The following POLA1 variants were observed in gnomAD, a reference collection of about 807,000 sequenced individuals.
POLA1 encodes the protein DNA polymerase alpha 1, catalytic subunit, also known as DNA polymerase alpha catalytic subunit.
In POLA1, 15 loss-of-function variants were observed where a neutral mutation model predicts 124.0. That is an observed-to-expected ratio of 0.12 (90% confidence interval 0.08 to 0.19). The LOEUF (loss-of-function observed/expected upper bound fraction) is 0.19, where lower values mean the gene tolerates loss of function less well. Among genes scored for constraint, POLA1 ranks in the 10% least tolerant of loss-of-function variants. The pLI, the probability that POLA1 is intolerant of heterozygous loss-of-function variation, is 1.00. For synonymous variants in POLA1, 408 were observed against 389.4 expected (o/e 1.05, Z -0.56); for missense variants, 886 against 1,103.4 (o/e 0.80, Z 2.79).
chrX:24,850,110 A>G (rs1219334139), intron 34 of POLA1, among the ~76,000 whole-genome samples: 6 of 111,518 alleles, frequency 5.4e-5, no homozygotes, highest in African/African-American at 1.3e-4. Context: ...CCATTCATGG[A>G]GGGTTGGTAT....
At chrX:24,862,397 A>G (rs767584782) in intron 34 of POLA1, among the ~76,000 whole-genome samples, 1 of 111,953 alleles carries the variant, frequency 8.9e-6, no homozygotes. Context: ...ACCTATCCAA[A>G]AAAAGTTGCC....
At chrX:24,755,424 T>C (rs779668588) in intron 26 of POLA1, among the ~76,000 whole-genome samples, 1 of 112,101 alleles carries the variant, frequency 8.9e-6, no homozygotes, top group East Asian at 2.8e-4. Flanking sequence ...GGGTATCTCA[T>C]TGTGATTTTA....
chrX:24,965,472 C>G (rs1486152090), intron 36 of POLA1, among the ~76,000 whole-genome samples: 1 of 111,816 alleles, frequency 8.9e-6, no homozygotes, highest in Non-Finnish European at 1.9e-5. Context: ...TATGTGAGTT[C>G]CTTGGAGCCA....
At chrX:24,733,281 G>A (rs1447005022) in intron 16 of POLA1, among the ~76,000 whole-genome samples, 1 of 112,177 alleles carries the variant, frequency 8.9e-6, no homozygotes, top group Non-Finnish European at 1.9e-5. Flanking sequence ...GTAGAAGAGA[G>A]CAATCATGAG....
rs140499220 is a variant in POLA1 at position 24,882,748 on chromosome X, G to T, written c.4048-5258G>T. ...GTGTGTATCACATTTTCTTTATCCAGTCCATTGTTGATGGGCACCTAGGTT... is the reference window on the plus strand; with the variant it reads ...GTGTGTATCACATTTTCTTTATCCATTCCATTGTTGATGGGCACCTAGGTT... On this transcript the variant is annotated intron_variant, in intron 34 of 36. Coordinates refer to ENST00000379068, the MANE Select transcript of POLA1 (RefSeq NM_001330360.2). Among the ~76,000 whole-genome samples, 28 of 102,537 alleles carry T rather than the reference G, an allele frequency of 2.7e-4. No individual in the cohort carries two copies. The East Asian group carries it at 7.4e-3, about 27-fold the overall frequency. The allele number at this position is 102,537 out of a possible 115,157, so 89.0% of individuals were successfully genotyped here. A position where few individuals can be genotyped will look rare whatever the true frequency, so the allele number is the denominator to read the frequency against.
intron 35 of POLA1, among the ~76,000 whole-genome samples, chrX:24,897,796 A>G (rs1194869992): frequency 8.9e-6 from 1 of 112,262 alleles, no homozygotes; most frequent in Non-Finnish European, 1.9e-5. Context: ...GGGAACTAGC[A>G]AAACCATGAG....
In POLA1 at chrX:24,743,219, T is replaced by G; in HGVS notation, c.2467-11T>G. ...GCTGGCTGGTGAAGTTATCTTTCCATTTGATATTAGGGAGATGAAGATGAA... is the reference window on the plus strand; with the variant it reads ...GCTGGCTGGTGAAGTTATCTTTCCAGTTGATATTAGGGAGATGAAGATGAA... On this transcript the variant is annotated splice_polypyrimidine_tract_variant and intron_variant, in intron 22 of 36. Transcript: ENST00000379068. 1 of 889,506 alleles carries G rather than the reference T, an allele frequency of 1.1e-6. No homozygotes were observed. Among genetic ancestry groups the G allele is most frequent in the Non-Finnish European group, 1.6e-6 (1 of 622,829 alleles). 73.3% of individuals were successfully genotyped at this position (889,506 alleles called of 1,213,427 possible).
chrX:24,815,239 A>C, intron 30 of POLA1, 128 bp downstream of exon 30: 1 of 592,399 alleles, frequency 1.7e-6, no homozygotes, highest in Non-Finnish European at 2.6e-6. Context: ...CTGCTTAACA[A>C]CTATCTCACA....
intron 24 of POLA1, 24 bp from the exon 25 acceptor site, chrX:24,748,286 GT>G: frequency 8.8e-7 from 1 of 1,132,129 alleles, no homozygotes; most frequent in Non-Finnish European, 1.2e-6. Context: ...TTTGATTTGT[GT>G]GAAATTTGTT....
intron 26 of POLA1, among the ~76,000 whole-genome samples, chrX:24,786,210 C>A (rs1374413893): frequency 8.9e-6 from 1 of 112,362 alleles, no homozygotes; most frequent in Non-Finnish European, 1.9e-5. Flanking sequence ...TAACTGATTT[C>A]ATTTCCTTTG....
intron 36 of POLA1, among the ~76,000 whole-genome samples, chrX:24,947,289 A>T (rs2047977646): frequency 4.1e-5 from 2 of 48,355 alleles, no homozygotes; most frequent in African/African-American, 7.8e-5. Flanking sequence ...TTTTTTTGAG[A>T]CAGAGTCTCA....
At chrX:24,815,876 A>G (rs1352837922) in intron 30 of POLA1, among the ~76,000 whole-genome samples, 3 of 112,102 alleles carry the variant, frequency 2.7e-5, no homozygotes, top group African/African-American at 6.5e-5. Context: ...ATTTTTGCAC[A>G]TTTCTGTACT....
intron 26 of POLA1, among the ~76,000 whole-genome samples, chrX:24,766,571 G>C (rs1045157213): frequency 4.5e-5 from 5 of 111,652 alleles, no homozygotes; most frequent in Non-Finnish European, 7.5e-5. Context: ...GCATGGGAAG[G>C]AGCTGAGGAA....
rs183654513 is a variant in POLA1 at position 24,829,333 on chromosome X, G to T, written c.3736+2732G>T. ...TACTTTTTCTCATTTTTTTTCTTCT[G>T]CCACTTGACAGTGGTTTTTATATCG... On this transcript the variant is annotated intron_variant, in intron 32 of 36. Coordinates refer to ENST00000379068, the MANE Select transcript of POLA1 (RefSeq NM_001330360.2). 5.4e-5 allele frequency among the ~76,000 whole-genome samples: 6 copies of T among 111,513 alleles called. No individual in the cohort carries two copies. The Admixed American group carries it at 5.7e-4, about 11-fold the overall frequency.
At chrX:24,905,563 C>CCTTT (rs1491113971) in intron 35 of POLA1, among the ~76,000 whole-genome samples, 1 of 28,962 alleles carries the variant, frequency 3.5e-5, no homozygotes, top group Admixed American at 4.1e-4. Flanking sequence ...CCCCCCCCCC[C>CCTTT]TTTTTTTTTT....
In POLA1 at chrX:24,699,495, A is replaced by G. The variant is rs1426926119; in HGVS notation, c.114A>G (p.Gln38=). ...AAAAAAAATCAAAGAAGGGGCGCCA[A>G]GAAGCCCTAGAAAGACTGAAAAAGG... is the stretch of plus-strand genomic sequence containing the variant. The part of the protein sequence containing the change: ...RREKKSKKGR[Q]EALERLKKAK... Residue 38 remains glutamine (Q), a synonymous_variant, in exon 2 of 37, where the codon CAA becomes CAG. Transcript: ENST00000379068. 2.5e-6 allele frequency: 3 copies of G among 1,183,228 alleles called. No homozygotes were observed. Among genetic ancestry groups the G allele is most frequent in the Non-Finnish European group, 2.3e-6 (2 of 877,787 alleles).
intron 18 of POLA1, 82 bp downstream of exon 18, chrX:24,735,570 C>A: frequency 3.5e-6 from 2 of 565,558 alleles, no homozygotes; most frequent in Non-Finnish European, 3.0e-6. Context: ...TGCTTTTGAG[C>A]AGCAAATAAT....
chrX:24,697,974 C>T (rs1057346327), intron 1 of POLA1, among the ~76,000 whole-genome samples: 24 of 106,606 alleles, frequency 2.3e-4, no homozygotes, highest in African/African-American at 8.3e-4. Context: ...TAGAGTCTCG[C>T]TCTGTCACCC....
At chrX:24,772,232 A>C (rs1210777607) in intron 26 of POLA1, among the ~76,000 whole-genome samples, 1 of 111,897 alleles carries the variant, frequency 8.9e-6, no homozygotes, top group East Asian at 2.8e-4. Context: ...AACATCTTCT[A>C]CATGAATCCT....
Sources: gnomAD v4.1 joint callset for allele counts (sites outside exome capture counted in the v4.1 genomes callset) on GRCh38, gnomAD v4.1.1 for gene constraint, MANE v1.5 for transcripts, NCBI Gene and HGNC (gene_info 2026-07-23, HGNC 2026-07-21) for gene names.